The following ROBO2 variants were observed in gnomAD, a reference collection of about 807,000 sequenced individuals.
The protein encoded by ROBO2 is roundabout homolog 2.
Under a neutral mutation model 160.8 loss-of-function variants are expected in ROBO2, and 53 were observed. That is an observed-to-expected ratio of 0.33 (90% CI 0.26 to 0.41). The LOEUF (loss-of-function observed/expected upper bound fraction) is 0.41, where lower values mean the gene tolerates loss of function less well. Among genes scored for constraint, ROBO2 ranks in the 10% least tolerant of loss-of-function variants. The probability of loss-of-function intolerance (pLI) is 1.00; values close to 1 mark genes in which losing one functional copy is unlikely to be tolerated. For missense variants in ROBO2, 1,577 were observed against 1,722.4 expected (o/e 0.92, Z 1.49); for synonymous variants, 664 against 611.7 (o/e 1.09, Z -1.26).
chr3:77,395,390 G>A (rs947837682), intron 2 of ROBO2, among the ~76,000 whole-genome samples: 1 of 152,136 alleles, frequency 6.6e-6, no homozygotes, highest in African/African-American at 2.4e-5. Flanking sequence ...AAAATTGAGT[G>A]TTTTGGAGGG....
At chr3:76,934,920 T>A (rs911433789) in intron 2 of ROBO2, among the ~76,000 whole-genome samples, 2 of 152,158 alleles carry the variant, frequency 1.3e-5, no homozygotes, top group South Asian at 2.1e-4. Flanking sequence ...ACTTTTAAAC[T>A]GTTTTTACTT....
chr3:76,251,273 A>T (rs1269458142), intron 2 of ROBO2, among the ~76,000 whole-genome samples: 3 of 152,078 alleles, frequency 2.0e-5, no homozygotes, highest in Non-Finnish European at 4.4e-5. Context: ...AGAAAAAAAA[A>T]ATCCACCTTC....
intron 2 of ROBO2, among the ~76,000 whole-genome samples, chr3:76,327,453 A>T (rs945019700): frequency 4.6e-5 from 7 of 152,200 alleles, no homozygotes; most frequent in Admixed American, 6.5e-5. Context: ...ATAATGACAG[A>T]TTATTAAAAG....
At chr3:77,252,824 AAAAAAAAATAT>A (rs1694026341) in intron 2 of ROBO2, among the ~76,000 whole-genome samples, 1 of 86,028 alleles carries the variant, frequency 1.2e-5, no homozygotes, top group African/African-American at 3.8e-5. Context: ...AAAAAAAAAA[AAAAAAAAATAT>A]ATATATATAT....
intron 6 of ROBO2, among the ~76,000 whole-genome samples, 162 bp from the exon 8 acceptor site, chr3:77,546,173 TATA>T (rs372718791): frequency 7.2e-5 from 11 of 152,194 alleles, no homozygotes; most frequent in African/African-American, 2.7e-4. Context: ...TTGGATTGAA[TATA>T]ATGTCTTTCT....
At chr3:76,815,124 T>A (rs2109043954) in intron 2 of ROBO2, among the ~76,000 whole-genome samples, 1 of 152,204 alleles carries the variant, frequency 6.6e-6, no homozygotes, top group Non-Finnish European at 1.5e-5. Flanking sequence ...GCTACCGATC[T>A]ATTGCCTGAA....
intron 2 of ROBO2, among the ~76,000 whole-genome samples, chr3:75,976,280 C>A (rs544814098): frequency 6.6e-6 from 1 of 151,638 alleles, no homozygotes; most frequent in African/African-American, 2.4e-5. Context: ...TTCAAAATAG[C>A]CACACACTGG....
At chr3:76,545,766 G>T (rs530001586) in intron 2 of ROBO2, among the ~76,000 whole-genome samples, 1 of 151,896 alleles carries the variant, frequency 6.6e-6, no homozygotes, top group Non-Finnish European at 1.5e-5. Context: ...GTCAAAAAGT[G>T]TAGTTTTATT....
intron 2 of ROBO2, among the ~76,000 whole-genome samples, chr3:77,229,695 A>C (rs1244308729): frequency 6.6e-6 from 1 of 151,544 alleles, no homozygotes; most frequent in Non-Finnish European, 1.5e-5. Flanking sequence ...GAATGGACCA[A>C]ATTGGACTAG....
At chr3:77,144,673 T>C (rs1031188219) in intron 2 of ROBO2, among the ~76,000 whole-genome samples, 4 of 152,204 alleles carry the variant, frequency 2.6e-5, no homozygotes, top group Non-Finnish European at 4.4e-5. Context: ...ATGAAAAATA[T>C]GACAAATATA....
At chr3:77,379,953 G>A (rs756792133) in intron 2 of ROBO2, among the ~76,000 whole-genome samples, 5 of 152,120 alleles carry the variant, frequency 3.3e-5, no homozygotes, top group South Asian at 2.1e-4. Context: ...GCATACAGGC[G>A]GAGCATCTGT....
chr3:76,792,259 T>A (rs891860407), intron 2 of ROBO2, among the ~76,000 whole-genome samples: 4 of 151,926 alleles, frequency 2.6e-5, no homozygotes, highest in Non-Finnish European at 4.4e-5. Flanking sequence ...GTGTTAAGAG[T>A]TTGCAACATA....
chr3:76,303,008 A>G (rs1376357051), intron 2 of ROBO2, among the ~76,000 whole-genome samples: 1 of 152,158 alleles, frequency 6.6e-6, no homozygotes, highest in African/African-American at 2.4e-5. Context: ...TCTCTTATAG[A>G]TAAGAAATAT....
At chr3:76,638,056 AT>A (rs2090435718) in intron 2 of ROBO2, among the ~76,000 whole-genome samples, 1 of 152,148 alleles carries the variant, frequency 6.6e-6, no homozygotes, top group South Asian at 2.1e-4. Flanking sequence ...ATTGCAGTTT[AT>A]TTTTTAAAGT....
At chr3:76,725,049 C>G (rs2093528300) in intron 2 of ROBO2, among the ~76,000 whole-genome samples, 1 of 152,124 alleles carries the variant, frequency 6.6e-6, no homozygotes, top group South Asian at 2.1e-4. Flanking sequence ...AACTTGATGT[C>G]AGCTCAGTAA....
At chr3:76,970,708 G>T (rs1399739111) in intron 2 of ROBO2, among the ~76,000 whole-genome samples, 3 of 152,138 alleles carry the variant, frequency 2.0e-5, no homozygotes, top group African/African-American at 7.2e-5. Context: ...CAGGTAAAAT[G>T]ATAATAAACC....
At chr3:76,789,062 C>T (rs2063179476) in intron 2 of ROBO2, among the ~76,000 whole-genome samples, 1 of 151,412 alleles carries the variant, frequency 6.6e-6, no homozygotes, top group Admixed American at 6.6e-5. Context: ...TCTATCTGCC[C>T]AACATGCCAA....
chr3:76,594,331 A>G (rs1392889410), intron 2 of ROBO2, among the ~76,000 whole-genome samples: 1 of 152,024 alleles, frequency 6.6e-6, no homozygotes, highest in Non-Finnish European at 1.5e-5. Context: ...ATACTTTAGG[A>G]TTGGTGGTAC....
At chr3:75,954,350 G>C (rs1559780711) in intron 2 of ROBO2, among the ~76,000 whole-genome samples, 2 of 151,822 alleles carry the variant, frequency 1.3e-5, no homozygotes. Flanking sequence ...GGGAAATAGA[G>C]GAAGTGAATG....
Sources: gnomAD v4.1 joint callset for allele counts (sites outside exome capture counted in the v4.1 genomes callset) on GRCh38, gnomAD v4.1.1 for gene constraint, MANE v1.5 for transcripts, NCBI Gene and HGNC (gene_info 2026-07-23, HGNC 2026-07-21) for gene names.